Variants in OR10A6 observed in about 807,000 individuals in gnomAD.
OR10A6 encodes the protein olfactory receptor 10A6.
In OR10A6, 2 loss-of-function variants were observed where a neutral mutation model predicts 1.5. The observed-to-expected ratio is 1.31, with a 90% CI of 0.54 to 4.13. The LOEUF (loss-of-function observed/expected upper bound fraction) is 4.13, where lower values mean the gene tolerates loss of function less well. Among genes scored for constraint, OR10A6 ranks in the 30% most tolerant of loss-of-function variants. The pLI, the probability that OR10A6 is intolerant of heterozygous loss-of-function variation, is 0.07. For synonymous variants in OR10A6, 169 were observed against 137.3 expected (o/e 1.23, Z -1.61); for missense variants, 492 against 368.6 (o/e 1.33, Z -2.74).
chr11:7,927,988 G>A lies in OR10A6; in HGVS notation c.675C>T (p.Ile225=). 6.2e-7 allele frequency: 1 copy of A among 1,613,938 alleles called. No individual in the cohort carries two copies. The highest frequency in any genetic ancestry group is 1.1e-5 in the South Asian group (1 of 91,080). Residue 225 remains isoleucine, a synonymous_variant, in exon 4 of 4, where the codon ATC becomes ATT. Transcript: ENST00000641238. Reference sequence around the variant, plus strand: ...TCCCAGTGGTTGATGGCATCTTCAGGATGGCAAACAGAACTCGAATGTAAG... The same window carrying A: ...TCCCAGTGGTTGATGGCATCTTCAGAATGGCAAACAGAACTCGAATGTAAG... ...LLSYIRVLFA[I]LKMPSTTGRQ... is the part of the protein sequence containing the mutation.
At chr11:7,930,822 C>T (rs1402266666) in intron 3 of OR10A6, 39 bp downstream of exon 3, 1 of 152,134 alleles carries the variant, frequency 6.6e-6, no homozygotes, top group Non-Finnish European at 1.5e-5. Context: ...AGAAGATCTT[C>T]ATGGTGTCTT....
rs1198769991 is a variant in OR10A6, at chr11:7,928,233, A to T, written c.430T>A (p.Leu144Ile). Residue 144 changes from leucine to isoleucine, a missense_variant, in exon 4 of 4, where the codon TTA (leucine) becomes ATA (isoleucine). By Grantham distance (5) the Leu-to-Ile change is conservative. Transcript: ENST00000641238. ...MIMNKGVFMK[L>I]IIFSWALGFM... Reference sequence around the variant, plus strand: ...CCTAAGGCCCATGAAAATATAATTAATTTCATAAAAACTCCTTTATTCATA... The same window carrying T: ...CCTAAGGCCCATGAAAATATAATTATTTTCATAAAAACTCCTTTATTCATA... 1 of 1,611,030 alleles carries T rather than the reference A, an allele frequency of 6.2e-7. No individual in the cohort carries two copies. Among genetic ancestry groups the T allele is most frequent in the Non-Finnish European group, 8.5e-7 (1 of 1,178,108 alleles).
Position 7,924,899 on chromosome 11 carries a change from T to C in OR10A6, c.*2819A>G, listed in dbSNP as rs1483866880. 6.6e-6 allele frequency: 1 copy of C among 152,102 alleles called. No individual in the cohort carries two copies. Among genetic ancestry groups the C allele is most frequent in the Non-Finnish European group, 1.5e-5 (1 of 68,036 alleles). 9.4% of individuals were successfully genotyped at this position (152,102 alleles called of 1,614,324 possible). Reference sequence around the variant, plus strand: ...AAAAGTCCTTATTAACTAAGTCACATTTTTAAAGAGTTTTCATAGACACCC... The same window carrying C: ...AAAAGTCCTTATTAACTAAGTCACACTTTTAAAGAGTTTTCATAGACACCC... On this transcript the variant is annotated 3_prime_UTR_variant, in exon 4 of 4. Coordinates refer to ENST00000641238, the MANE Select transcript of OR10A6 (RefSeq NM_001004461.2).
In OR10A6 at chr11:7,927,594, TG is replaced by T. The variant is rs1859433331; in HGVS notation, c.*123del. The T allele has an allele frequency of 6.4e-6, 4 of 622,872 alleles. No individual in the cohort carries two copies. In the Admixed American group the frequency reaches 9.4e-5, roughly 15 times the overall value. 38.6% of individuals were successfully genotyped at this position (622,872 alleles called of 1,614,324 possible). On this transcript the variant is annotated 3_prime_UTR_variant, in exon 4 of 4. Transcript: ENST00000641238. ...GATGCTCCTGATATACAATCAAACT[TG>T]GAGAACACAATAAATTAGTCATACT... is the stretch of plus-strand genomic sequence containing the variant.
At position 7,925,008 on chromosome 11, in the gene OR10A6, T is replaced by C. The variant is rs1213949772; in HGVS notation, c.*2710A>G. ...TTCAAAAGAGAAACTGGGAAATTGG[T>C]TATTAACTGGATACATTACTGCCCT... On this transcript the variant is annotated 3_prime_UTR_variant, in exon 4 of 4. Coordinates refer to ENST00000641238, the MANE Select transcript of OR10A6 (RefSeq NM_001004461.2). 1 of 152,190 alleles carries C rather than the reference T, an allele frequency of 6.6e-6. No homozygotes were observed. The highest frequency in any genetic ancestry group is 1.5e-5 in the Non-Finnish European group (1 of 68,040). 9.4% of individuals were successfully genotyped at this position (152,190 alleles called of 1,614,324 possible).
At position 7,927,908 on chromosome 11, in the gene OR10A6, T is replaced by C. The variant is rs1589978577; in HGVS notation, c.755A>G (p.Tyr252Cys). 2 of 1,613,944 alleles carry C rather than the reference T, an allele frequency of 1.2e-6. No individual in the cohort carries two copies. Among genetic ancestry groups the C allele is most frequent in the African/African-American group, 1.3e-5 (1 of 75,006 alleles). ...TAAATAAGTCATACTGGCTGTGCCA[T>C]AGAATAGGGTCACAGATGTGAGGTG... ...AAHLTSVTLF[Y>C]GTASMTYLQP... is the part of the protein sequence containing the mutation. Residue 252 changes from tyrosine to cysteine, a missense_variant, in exon 4 of 4, where the codon TAT becomes TGT. Tyr to Cys is a radical substitution (Grantham distance 194). Coordinates refer to ENST00000641238, the MANE Select transcript of OR10A6 (RefSeq NM_001004461.2).
Position 7,928,589 on chromosome 11 carries a change from C to T in OR10A6, c.74G>A (p.Gly25Glu), listed in dbSNP as rs1325684709. 1 of 1,613,572 alleles carries T rather than the reference C, an allele frequency of 6.2e-7. No homozygotes were observed. Among genetic ancestry groups the T allele is most frequent in the Non-Finnish European group, 8.5e-7 (1 of 1,179,776 alleles). ...LGFSNYPELQ[G>E]QLFVAFLVIY... The stretch of plus-strand genomic sequence containing the variant: ...AACCAGGAAAGCCACAAAGAGCTGC[C>T]CCTGGAGCTCAGGATAGTTAGAAAA... The change falls in exon 4 of 4, where the codon GGG (glycine) becomes GAG (glutamate). Residue 25 changes from glycine to glutamate, a missense_variant. Coordinates refer to ENST00000641238, the MANE Select transcript of OR10A6 (RefSeq NM_001004461.2).
chr11:7,925,392 T>C lies in OR10A6; in HGVS notation c.*2326A>G, dbSNP rs956853053. 6.6e-6 allele frequency: 1 copy of C among 152,168 alleles called. No homozygotes were observed. The highest frequency in any genetic ancestry group is 1.9e-4 in the East Asian group (1 of 5,192). The allele number at this position is 152,168 out of a possible 1,614,324, so 9.4% of individuals were successfully genotyped here. A position where few individuals can be genotyped will look rare whatever the true frequency, so the allele number is the denominator to read the frequency against. On this transcript the variant is annotated 3_prime_UTR_variant, in exon 4 of 4. Coordinates refer to ENST00000641238, the MANE Select transcript of OR10A6 (RefSeq NM_001004461.2). ...CAAATTTAGAATTAGAGTGACCTAATTTCTTATTGTAATTTCATGAACATC... is the reference window on the plus strand; with the variant it reads ...CAAATTTAGAATTAGAGTGACCTAACTTCTTATTGTAATTTCATGAACATC...
rs377174945 is a variant in OR10A6, at chr11:7,928,412, A to G, written c.251T>C (p.Val84Ala). 6 of 1,613,920 alleles carry G rather than the reference A, an allele frequency of 3.7e-6. No homozygotes were observed. The highest frequency in any genetic ancestry group is 1.1e-5 in the South Asian group (1 of 91,048). ...AATTGTAGTTTTTTCAGTAGAGAGG[A>G]CCACCAGCATTTCAGGCATAATAAC... is the stretch of plus-strand genomic sequence containing the variant. ...SAVIMPEMLV[V>A]LSTEKTTISF... is the part of the protein sequence containing the mutation. The change falls in exon 4 of 4, where the codon GTC becomes GCC. Residue 84 changes from valine (V) to alanine (A), a missense_variant. Transcript: ENST00000641238.
rs987817869 is a variant in OR10A6 at position 7,929,842 on chromosome 11, C to T, written c.-1180G>A. 2.8e-4 allele frequency: 38 copies of T among 136,872 alleles called. No homozygotes were observed. Among genetic ancestry groups the T allele is most frequent in the African/African-American group, 9.9e-4 (37 of 37,226 alleles). 8.5% of individuals were successfully genotyped at this position (136,872 alleles called of 1,614,324 possible). A position where few individuals can be genotyped will look rare whatever the true frequency, so the allele number is the denominator to read the frequency against. The stretch of plus-strand genomic sequence containing the variant: ...TTATATGGCATAGAATATAATATAT[C>T]CTCTATCCTTTTTTTAAGAAATATG... On this transcript the variant is annotated 5_prime_UTR_variant, in exon 4 of 4. Transcript: ENST00000641238.
At chr11:7,931,131 C>T (rs1405030373) in intron 1 of OR10A6, 66 bp downstream of exon 1, 1 of 152,208 alleles carries the variant, frequency 6.6e-6, no homozygotes, top group Non-Finnish European at 1.5e-5. Flanking sequence ...CTCCAACTAT[C>T]AAAGAGGACA....
rs755693656 is a variant in OR10A6, at chr11:7,928,507, G to A, written c.156C>T (p.Asp52=). Residue 52 remains aspartate, a synonymous_variant, in exon 4 of 4, where the codon GAC becomes GAT. Coordinates refer to ENST00000641238, the MANE Select transcript of OR10A6 (RefSeq NM_001004461.2). ...NAIIIVIVSL[D]QSLHVPMYLF... The stretch of plus-strand genomic sequence containing the variant: ...GGTACATGGGAACGTGGAGGCTCTG[G>A]TCTAGGGAGACGATGACTATAATAA... 1 of 1,613,874 alleles carries A rather than the reference G, an allele frequency of 6.2e-7. No individual in the cohort carries two copies. The highest frequency in any genetic ancestry group is 1.1e-5 in the South Asian group (1 of 91,058).
In OR10A6 at chr11:7,928,135, A is replaced by G. The variant is rs765162433; in HGVS notation, c.528T>C (p.His176=). ...ACACTGCTGGGGTTTCACAAGATATATGGTTAATTTCATTAAGGCCACAAA... is the reference window on the plus strand; with the variant it reads ...ACACTGCTGGGGTTTCACAAGATATGTGGTTAATTTCATTAAGGCCACAAA... ...FPFCGLNEIN[H]ISCETPAVLE... is the part of the protein sequence containing the mutation. The change falls in exon 4 of 4, where the codon CAT becomes CAC. Residue 176 remains histidine (H), a synonymous_variant. Coordinates refer to ENST00000641238, the MANE Select transcript of OR10A6 (RefSeq NM_001004461.2). 2.5e-6 allele frequency: 4 copies of G among 1,613,976 alleles called. No homozygotes were observed. In the South Asian group the frequency reaches 3.3e-5, roughly 13 times the overall value.
In OR10A6 at chr11:7,926,737, T is replaced by C. The variant is rs1315504765; in HGVS notation, c.*981A>G. On this transcript the variant is annotated 3_prime_UTR_variant, in exon 4 of 4. Coordinates refer to ENST00000641238, the MANE Select transcript of OR10A6 (RefSeq NM_001004461.2). ...AATAGGAAGCAAGAATGAAATGTTA[T>C]ATTTCAATGTTGCAATGTGTCTAAT... The C allele has an allele frequency of 6.6e-6, 1 of 152,220 alleles. No individual in the cohort carries two copies. Among genetic ancestry groups the C allele is most frequent in the East Asian group, 1.9e-4 (1 of 5,198 alleles). 9.4% of individuals were successfully genotyped at this position (152,220 alleles called of 1,614,324 possible).
rs1200566845 is a variant in OR10A6, at chr11:7,928,322, A to C, written c.341T>G (p.Leu114Arg). ...TCGGTCATAAGCCATTGCTCCCAGA[A>C]GAAAACATTCAGCCCCACCAAAAAG... ...ILLFGGAECF[L>R]LGAMAYDRFA... Residue 114 changes from leucine to arginine, a missense_variant, in exon 4 of 4, where the codon CTT (leucine) becomes CGT (arginine). Leu to Arg is a moderately radical substitution (Grantham distance 102, BLOSUM62 -2). Coordinates refer to ENST00000641238, the MANE Select transcript of OR10A6 (RefSeq NM_001004461.2). The C allele has an allele frequency of 3.1e-6, 5 of 1,613,950 alleles. No homozygotes were observed. The highest frequency in any genetic ancestry group is 4.2e-6 in the Non-Finnish European group (5 of 1,179,958).
chr11:7,928,548 G>T lies in OR10A6; in HGVS notation c.115C>A (p.Leu39Met), dbSNP rs149833424. Reference sequence around the variant, plus strand: ...ACTATAATAATGGCATTTCCTATCAGGGTCACCAGATAAATAACCAGGAAA... The same window carrying T: ...ACTATAATAATGGCATTTCCTATCATGGTCACCAGATAAATAACCAGGAAA... The part of the protein sequence containing the change: ...VAFLVIYLVT[L>M]IGNAIIIVIV... The change falls in exon 4 of 4, where the codon CTG becomes ATG. Residue 39 changes from leucine (L) to methionine (M), a missense_variant. By Grantham distance (15) the Leu-to-Met change is conservative (BLOSUM62 2). Transcript: ENST00000641238. The T allele has an allele frequency of 1.0e-4, 167 of 1,613,564 alleles. No homozygotes were observed. In the African/African-American group the frequency reaches 1.8e-3, roughly 18 times the overall value.
rs1859433589 is a variant in OR10A6 at position 7,927,612 on chromosome 11, A to T, written c.*106T>A. 1 of 681,798 alleles carries T rather than the reference A, an allele frequency of 1.5e-6. No homozygotes were observed. The highest frequency in any genetic ancestry group is 2.5e-6 in the Non-Finnish European group (1 of 402,472). The allele number at this position is 681,798 out of a possible 1,614,324, so 42.2% of individuals were successfully genotyped here. A position where few individuals can be genotyped will look rare whatever the true frequency, so the allele number is the denominator to read the frequency against. On this transcript the variant is annotated 3_prime_UTR_variant, in exon 4 of 4. Transcript: ENST00000641238. ...TCAAACTTGGAGAACACAATAAATT[A>T]GTCATACTCATGCCAAAAAATGCAA...
chr11:7,929,859 A>T lies in OR10A6; in HGVS notation c.-1197T>A, dbSNP rs11601918. ...TAATATATCCTCTATCCTTTTTTTA[A>T]GAAATATGTGTAAAATATATTTTAA... is the stretch of plus-strand genomic sequence containing the variant. On this transcript the variant is annotated 5_prime_UTR_variant, in exon 4 of 4. Transcript: ENST00000641238. The T allele has an allele frequency of 7.1e-6, 1 of 140,526 alleles. No homozygotes were observed. The highest frequency in any genetic ancestry group is 1.5e-5 in the Non-Finnish European group (1 of 64,924). 8.7% of individuals were successfully genotyped at this position (140,526 alleles called of 1,614,324 possible).
intron 1 of OR10A6, 83 bp from the exon 2 acceptor site, chr11:7,931,096 C>G (rs1859525714): frequency 6.6e-6 from 1 of 152,212 alleles, no homozygotes; most frequent in African/African-American, 2.4e-5. Context: ...GACTCCTGAG[C>G]ACTGAGCCAT....
Sources: gnomAD v4.1 joint callset for allele counts on GRCh38, gnomAD v4.1.1 for gene constraint, MANE v1.5 for transcripts, NCBI Gene and HGNC (gene_info 2026-07-23, HGNC 2026-07-21) for gene names.